The following PSME4 variants were observed in gnomAD, a reference collection of about 807,000 sequenced individuals.
The protein encoded by PSME4 is proteasome activator complex subunit 4.
Under a neutral mutation model 253.9 loss-of-function variants are expected in PSME4, and 89 were observed. The ratio of observed to expected loss-of-function variants is 0.35; its 90% CI spans 0.30 to 0.42. PSME4 has a LOEUF of 0.42. PSME4 is among the 10% of genes least tolerant of loss of function. The probability of loss-of-function intolerance (pLI) is 1.00; values close to 1 mark genes in which losing one functional copy is unlikely to be tolerated. For synonymous variants in PSME4, 851 were observed against 759.2 expected (o/e 1.12, Z -1.99); for missense variants, 2,014 against 2,195.2 (o/e 0.92, Z 1.65).
rs534719137 is a variant in PSME4, at chr2:53,901,240, G to A, written c.3285+110C>T. Reference sequence around the variant, plus strand: ...CAAACGCTTTTTTAAAAAAACACTGGACTCAAATGCCAAGAATATTATTAC... The same window carrying A: ...CAAACGCTTTTTTAAAAAAACACTGAACTCAAATGCCAAGAATATTATTAC... On this transcript the variant is annotated intron_variant, in intron 28 of 46. Transcript: ENST00000404125. The A allele has an allele frequency of 1.6e-4, 159 of 977,820 alleles. 2 individuals are homozygous for A. The South Asian group carries it at 2.5e-3, about 15-fold the overall frequency. 60.6% of individuals were successfully genotyped at this position (977,820 alleles called of 1,614,324 possible). A position where few individuals can be genotyped will look rare whatever the true frequency, so the allele number is the denominator to read the frequency against.
Position 53,970,797 on chromosome 2 carries a change from A to AGG in PSME4, c.-14_-13insCC. On this transcript the variant is annotated 5_prime_UTR_variant, in exon 1 of 47. Transcript: ENST00000404125. Reference sequence around the variant, plus strand: ...CGGCCGGCTCCATGAGCCCAGGGACACCCCCCCCACCCCCTCCCACCCGAA... The same window carrying AGG: ...CGGCCGGCTCCATGAGCCCAGGGACAGGCCCCCCCCACCCCCTCCCACCCGAA... 1 of 1,400,484 alleles carries AGG rather than the reference A, an allele frequency of 7.1e-7. No individual in the cohort carries two copies. Among genetic ancestry groups the AGG allele is most frequent in the Non-Finnish European group, 9.5e-7 (1 of 1,047,730 alleles). The allele number at this position is 1,400,484 out of a possible 1,614,324, so 86.8% of individuals were successfully genotyped here.
At chr2:53,946,677 C>T (rs571867888) in intron 3 of PSME4, among the ~76,000 whole-genome samples, 65 of 152,376 alleles carry the variant, frequency 4.3e-4, no homozygotes, top group Non-Finnish European at 5.6e-4. Flanking sequence ...GGGAGGATCA[C>T]TTGAGCCCAG....
At chr2:53,872,675 G>A (rs1678932067) in intron 43 of PSME4, among the ~76,000 whole-genome samples, 1 of 139,696 alleles carries the variant, frequency 7.2e-6, no homozygotes. Flanking sequence ...TCAGGAGGCA[G>A]AGGCTGCAGT....
At chr2:53,905,187 G>A (rs182209126) in intron 26 of PSME4, among the ~76,000 whole-genome samples, 41 of 150,936 alleles carry the variant, frequency 2.7e-4, no homozygotes, top group African/African-American at 9.5e-4. Context: ...ATGCCACCAC[G>A]CCTGGCTAAT....
chr2:53,911,880 T>C (rs805321), intron 20 of PSME4, among the ~76,000 whole-genome samples: 44,243 of 152,022 alleles, frequency 0.29, 6,874 homozygotes, highest in South Asian at 0.48. Context: ...GAATTTAAAG[T>C]TTTTCAAACA....
chr2:53,927,591 C>A (rs1668617591), intron 11 of PSME4, 108 bp from the exon 12 acceptor site: 1 of 824,728 alleles, frequency 1.2e-6, no homozygotes, highest in Middle Eastern at 3.3e-4. Context: ...TGATCAAAAT[C>A]CCACAACAGT....
At chr2:53,873,311 C>T (rs913326892) in intron 43 of PSME4, among the ~76,000 whole-genome samples, 1 of 150,848 alleles carries the variant, frequency 6.6e-6, no homozygotes, top group African/African-American at 2.4e-5. Context: ...AATATCCACT[C>T]TCAGAATATA....
At chr2:53,925,729 T>C in intron 13 of PSME4, 40 bp from the exon 14 acceptor site, 1 of 1,577,520 alleles carries the variant, frequency 6.3e-7, no homozygotes, top group Non-Finnish European at 8.7e-7. Flanking sequence ...GCAACTAAAA[T>C]CTGGTTTGAC....
intron 10 of PSME4, among the ~76,000 whole-genome samples, chr2:53,929,205 T>G (rs1453730476): frequency 6.6e-6 from 1 of 151,910 alleles, no homozygotes; most frequent in Non-Finnish European, 1.5e-5. Context: ...AGATCCTGCA[T>G]GATTTCAGCC....
chr2:53,931,221 G>A lies in PSME4; in HGVS notation c.1316+614C>T, dbSNP rs556161953. Among the ~76,000 whole-genome samples the A allele has an allele frequency of 2.0e-5, 3 of 152,158 alleles. No individual in the cohort carries two copies. In the East Asian group the frequency reaches 5.8e-4, roughly 29 times the overall value. On this transcript the variant is annotated intron_variant, in intron 10 of 46. Coordinates refer to ENST00000404125, the MANE Select transcript of PSME4 (RefSeq NM_014614.3). ...GAACCAGGAAGGCGGAGGTTGCGGT[G>A]AGCCAAGATTTGCACTCCAGCCTGG...
rs1279515234 is a variant in PSME4 at position 53,899,916 on chromosome 2, A to C, written c.3387T>G (p.Ile1129Met). The change falls in exon 29 of 47, where the codon ATT (isoleucine) becomes ATG (methionine). Residue 1129 changes from isoleucine to methionine, a missense_variant. Physicochemically the swap from Ile to Met is conservative, Grantham distance 10. Coordinates refer to ENST00000404125, the MANE Select transcript of PSME4 (RefSeq NM_014614.3). ...LLSPEKIKEGIKRQQEKNADA... is the reference protein window; with the variant it reads ...LLSPEKIKEGMKRQQEKNADA... ...CGGCATTCTTTTCCTGTTGGCGTTT[A>C]ATTCCTTCCTTAATTTTTTCTGGGC... The C allele has an allele frequency of 6.2e-7, 1 of 1,613,450 alleles. No individual in the cohort carries two copies. Among genetic ancestry groups the C allele is most frequent in the South Asian group, 1.1e-5 (1 of 91,052 alleles).
chr2:53,902,926 C>T (rs912186281), intron 27 of PSME4, among the ~76,000 whole-genome samples: 1 of 152,160 alleles, frequency 6.6e-6, no homozygotes, highest in African/African-American at 2.4e-5. Context: ...ATGTTTAGGG[C>T]TCGTCTTCAT....
In PSME4 at chr2:53,864,534, TATA is replaced by T. The variant is rs2104403992; in HGVS notation, c.*1041_*1043del. On this transcript the variant is annotated 3_prime_UTR_variant, in exon 47 of 47. Transcript: ENST00000404125. Reference sequence around the variant, plus strand: ...CAGTGGGTACAAAGCCCAAAATCACTATAATAAAGAACTACACGTGAATCTTTA... The same window carrying T: ...CAGTGGGTACAAAGCCCAAAATCACTATAAAGAACTACACGTGAATCTTTA... 1 of 152,544 alleles carries T rather than the reference TATA, an allele frequency of 6.6e-6. No individual in the cohort carries two copies. Among genetic ancestry groups the T allele is most frequent in the African/African-American group, 2.4e-5 (1 of 41,514 alleles). The allele number at this position is 152,544 out of a possible 1,614,324, so 9.4% of individuals were successfully genotyped here. A position where few individuals can be genotyped will look rare whatever the true frequency, so the allele number is the denominator to read the frequency against.
chr2:53,915,953 C>A (rs998278754), intron 20 of PSME4, among the ~76,000 whole-genome samples: 3 of 151,900 alleles, frequency 2.0e-5, no homozygotes, highest in Non-Finnish European at 4.4e-5. Context: ...CACACGCCTG[C>A]AATACTGGCT....
At chr2:53,885,572 T>G (rs1391144478) in intron 41 of PSME4, 118 bp downstream of exon 41, 2 of 652,976 alleles carry the variant, frequency 3.1e-6, no homozygotes, top group African/African-American at 3.6e-5. Context: ...ACCATTCTAC[T>G]TTTCAGAGAT....
intron 36 of PSME4, among the ~76,000 whole-genome samples, chr2:53,892,476 C>T (rs760653204): frequency 3.3e-5 from 5 of 152,150 alleles, no homozygotes; most frequent in Admixed American, 6.5e-5. Flanking sequence ...GAGAAGCACA[C>T]GTGCACCATC....
chr2:53,887,562 A>ACTCC, intron 39 of PSME4, 95 bp from the exon 40 acceptor site: 1 of 1,162,108 alleles, frequency 8.6e-7, no homozygotes, highest in Non-Finnish European at 1.2e-6. Context: ...AAACTGTCCC[A>ACTCC]AGACAATTCC....
intron 41 of PSME4, among the ~76,000 whole-genome samples, chr2:53,882,911 AAAT>A (rs1398827687): frequency 1.1e-5 from 1 of 88,430 alleles, no homozygotes. Context: ...AAAAAAAAAT[AAAT>A]AAATAAGATA....
chr2:53,918,442 C>T (rs1668154743), intron 20 of PSME4, among the ~76,000 whole-genome samples: 1 of 152,102 alleles, frequency 6.6e-6, no homozygotes, highest in Non-Finnish European at 1.5e-5. Flanking sequence ...CAACCTCTGC[C>T]TCCTGGGCTC....
Sources: allele counts gnomAD v4.1 joint callset (sites outside exome capture counted in the v4.1 genomes callset), GRCh38; gene constraint gnomAD v4.1.1; transcripts MANE v1.5; gene names NCBI Gene and HGNC (gene_info 2026-07-23, HGNC 2026-07-21).